Variants in DIXDC1 observed in about 807,000 individuals in gnomAD.
DIXDC1 encodes dixin.
DIXDC1 carries 64 observed loss-of-function variants against 103.1 expected under a neutral mutation model. The observed-to-expected ratio is 0.62, with a 90% CI of 0.51 to 0.76. The LOEUF (loss-of-function observed/expected upper bound fraction) is 0.76, where lower values mean the gene tolerates loss of function less well. Among genes scored for constraint, DIXDC1 ranks in the 30% least tolerant of loss-of-function variants. The pLI is 0.00. For synonymous variants in DIXDC1, 266 were observed against 298.5 expected (o/e 0.89, Z 1.12); for missense variants, 759 against 834.2 (o/e 0.91, Z 1.11).
intron 10 of DIXDC1, among the ~76,000 whole-genome samples, chr11:111,991,446 A>G (rs1860710834): frequency 1.3e-5 from 2 of 152,200 alleles, no homozygotes; most frequent in Admixed American, 6.5e-5. Flanking sequence ...GACTTCCTTT[A>G]CCATGTACTG....
chr11:111,993,981 A>C (rs2137583231), intron 14 of DIXDC1, among the ~76,000 whole-genome samples: 1 of 152,338 alleles, frequency 6.6e-6, no homozygotes, highest in Admixed American at 6.5e-5. Flanking sequence ...TTATTTGGAA[A>C]ATGGAAATAA....
chr11:111,953,457 T>A (rs1161657437), intron 1 of DIXDC1, among the ~76,000 whole-genome samples: 1 of 152,058 alleles, frequency 6.6e-6, no homozygotes, highest in Non-Finnish European at 1.5e-5. Context: ...GCCAACATGG[T>A]GAAACCCCGT....
Position 111,996,154 on chromosome 11 carries a change from C to T in DIXDC1, c.1756+8C>T, listed in dbSNP as rs782582584. 6 of 1,612,534 alleles carry T rather than the reference C, an allele frequency of 3.7e-6. No individual in the cohort carries two copies. The highest frequency in any genetic ancestry group is 2.2e-5 in the South Asian group (2 of 90,838). On this transcript the variant is annotated splice_region_variant and intron_variant, in intron 17 of 19. Coordinates refer to ENST00000440460, the MANE Select transcript of DIXDC1 (RefSeq NM_001037954.4). ...CCTGGCCCCCTAACTCAAGTAAGTA[C>T]CCATTTTTGCTCAGTAGGGACTCCT...
In DIXDC1 at chr11:112,020,641, A is replaced by G. The variant is rs148226700; in HGVS notation, c.*1605A>G. On this transcript the variant is annotated 3_prime_UTR_variant, in exon 20 of 20. Coordinates refer to ENST00000440460, the MANE Select transcript of DIXDC1 (RefSeq NM_001037954.4). ...TCTTACCACCCCTTGTGGTTTCAGA[A>G]CAAGCTTTATTTTATTACGAGTATA... 9 of 152,288 alleles carry G rather than the reference A, an allele frequency of 5.9e-5. No individual in the cohort carries two copies. Among genetic ancestry groups the G allele is most frequent in the Non-Finnish European group, 4.4e-5 (3 of 68,020 alleles). The allele number at this position is 152,288 out of a possible 1,614,324, so 9.4% of individuals were successfully genotyped here. A position where few individuals can be genotyped will look rare whatever the true frequency, so the allele number is the denominator to read the frequency against.
At chr11:111,993,792 A>T in intron 14 of DIXDC1, 52 bp downstream of exon 14, 2 of 1,591,438 alleles carry the variant, frequency 1.3e-6, no homozygotes, top group Non-Finnish European at 8.6e-7. Flanking sequence ...AAACGGGGAG[A>T]TTGTGTTTCT....
intron 10 of DIXDC1, among the ~76,000 whole-genome samples, chr11:111,991,587 T>C (rs1216172165): frequency 3.3e-5 from 5 of 152,212 alleles, no homozygotes; most frequent in African/African-American, 1.2e-4. Context: ...TTAGTTCCAT[T>C]TGAAGTCACC....
rs587654630 is a variant in DIXDC1, at chr11:111,980,113, A to G, written c.657-624A>G. Among the ~76,000 whole-genome samples the G allele has an allele frequency of 9.2e-5, 14 of 152,300 alleles. No individual in the cohort carries two copies. The South Asian group carries it at 2.9e-3, about 32-fold the overall frequency. On this transcript the variant is annotated intron_variant, in intron 5 of 19. Coordinates refer to ENST00000440460, the MANE Select transcript of DIXDC1 (RefSeq NM_001037954.4). Reference sequence around the variant, plus strand: ...CAGGTCTTTCCCCTTTTGACATATTATCTTCCCCTTGTCATGCTCTAGCTC... The same window carrying G: ...CAGGTCTTTCCCCTTTTGACATATTGTCTTCCCCTTGTCATGCTCTAGCTC...
chr11:111,939,131 T>TAAC (rs1465315554), intron 1 of DIXDC1, among the ~76,000 whole-genome samples: 1 of 152,224 alleles, frequency 6.6e-6, no homozygotes, highest in Non-Finnish European at 1.5e-5. Flanking sequence ...TGCCCCAACT[T>TAAC]AACAACAACA....
intron 8 of DIXDC1, 58 bp downstream of exon 8, chr11:111,985,379 G>A: frequency 7.2e-7 from 1 of 1,380,380 alleles, no homozygotes; most frequent in Non-Finnish European, 1.0e-6. Flanking sequence ...CTTGTATTTA[G>A]CATTTGACAC....
Position 111,977,695 on chromosome 11 carries a change from T to TGGGA in DIXDC1, c.656+2714_656+2717dup, listed in dbSNP as rs1860159138. On this transcript the variant is annotated intron_variant, in intron 5 of 19. Coordinates refer to ENST00000440460, the MANE Select transcript of DIXDC1 (RefSeq NM_001037954.4). The surrounding 1 kb of genome is among the most constrained non-coding windows in gnomAD (Gnocchi z 6.1). ...CAGCGCGGGGAGACATGCCTGAATT[T>TGGGA]GGGAGCGATGTGACTCTCAGCCTCC... 6.5e-7 allele frequency: 1 copy of TGGGA among 1,545,124 alleles called. No homozygotes were observed. The highest frequency in any genetic ancestry group is 1.4e-5 in the African/African-American group (1 of 72,136).
Position 111,977,436 on chromosome 11 carries a change from C to T in DIXDC1, c.656+2453C>T. 1 of 1,217,938 alleles carries T rather than the reference C, an allele frequency of 8.2e-7. No homozygotes were observed. Among genetic ancestry groups the T allele is most frequent in the East Asian group, 5.1e-5 (1 of 19,514 alleles). The allele number at this position is 1,217,938 out of a possible 1,614,324, so 75.4% of individuals were successfully genotyped here. The stretch of plus-strand genomic sequence containing the variant: ...GCCAGGGGGGATGCCCGGCACCGTG[C>T]GTCCGCGGAGGCCAAGATGCAGCGG... On this transcript the variant is annotated intron_variant, in intron 5 of 19. Transcript: ENST00000440460. This position sits in a 1 kb window ranked among gnomAD's most constrained non-coding sequence, Gnocchi z 6.1.
In DIXDC1 at chr11:112,016,748, A is replaced by G. The variant is rs782492199; in HGVS notation, c.1814A>G (p.Tyr605Cys). 4.3e-6 allele frequency: 7 copies of G among 1,609,754 alleles called. No individual in the cohort carries two copies. The East Asian group carries it at 1.3e-4, about 31-fold the overall frequency. ...TVSSTCTKVLYFTDRSLTPFM... is the reference protein window; with the variant it reads ...TVSSTCTKVLCFTDRSLTPFM... ...AGCAGCACCTGTACTAAAGTGCTCT[A>G]TTTCACTGACCGGTCACTTACGCCC... Residue 605 changes from tyrosine (Y) to cysteine (C), a missense_variant, in exon 18 of 20, where the codon TAT becomes TGT. Physicochemically the swap from Tyr to Cys is radical, Grantham distance 194. This residue lies in a region of DIXDC1 where 657 missense variants were observed against 727.5 expected (regional missense o/e 0.90). Transcript: ENST00000440460.
At chr11:111,936,672 C>G (rs1966195381), upstream of DIXDC1, among the ~76,000 whole-genome samples, 1 of 152,084 alleles carries the variant, frequency 6.6e-6, no homozygotes, top group African/African-American at 2.4e-5. Context: ...TCTTCCTCTG[C>G]TCTTTCTCTT....
chr11:111,962,343 G>T (rs189301199), intron 1 of DIXDC1, among the ~76,000 whole-genome samples: 1 of 152,066 alleles, frequency 6.6e-6, no homozygotes, highest in South Asian at 2.1e-4. Context: ...TTAGCCCGGC[G>T]TGGTGGCAGG....
In DIXDC1 at chr11:112,017,851, C is replaced by T. The variant is rs1393218432; in HGVS notation, c.1937C>T (p.Ala646Val). 3 of 1,611,102 alleles carry T rather than the reference C, an allele frequency of 1.9e-6. No homozygotes were observed. Among genetic ancestry groups the T allele is most frequent in the Admixed American group, 1.7e-5 (1 of 59,714 alleles). ...GGAAATCACCGGTATCACTTCAAAG[C>T]ACTGGATCCTGAGTTTGGCACTGTC... ...REGNHRYHFK[A>V]LDPEFGTVKE... Residue 646 changes from alanine (A) to valine (V), a missense_variant, in exon 19 of 20, where the codon GCA becomes GTA. Physicochemically the swap from Ala to Val is moderately conservative, Grantham distance 64. Coordinates refer to ENST00000440460, the MANE Select transcript of DIXDC1 (RefSeq NM_001037954.4). The surrounding 1 kb of genome is among the most constrained non-coding windows in gnomAD (Gnocchi z 4.0).
chr11:112,015,018 G>A (rs1258809529), intron 17 of DIXDC1, among the ~76,000 whole-genome samples: 3 of 152,008 alleles, frequency 2.0e-5, no homozygotes, highest in African/African-American at 4.8e-5. Context: ...CCAGGTAGCT[G>A]GGACTACAGG....
intron 1 of DIXDC1, among the ~76,000 whole-genome samples, chr11:111,959,881 G>A (rs1555170912): frequency 1.3e-5 from 2 of 151,970 alleles, no homozygotes; most frequent in Non-Finnish European, 2.9e-5. Flanking sequence ...AAAGAAGGAA[G>A]GAAAGAGGAG....
chr11:111,994,251 G>C (rs139948328), intron 14 of DIXDC1, among the ~76,000 whole-genome samples: 55 of 152,256 alleles, frequency 3.6e-4, no homozygotes, highest in African/African-American at 1.3e-3. Context: ...AGCCAGGCGT[G>C]GTGGTGGATG....
At chr11:111,945,934 A>ATTTTTTT in intron 1 of DIXDC1, 1 of 119,810 alleles carries the variant, frequency 8.3e-6, no homozygotes, top group Non-Finnish European at 1.6e-5. Flanking sequence ...AGCCCGGTTA[A>ATTTTTTT]TTTTTTTTTT....
Sources: gnomAD v4.1 joint callset for allele counts (sites outside exome capture counted in the v4.1 genomes callset) on GRCh38, gnomAD v4.1.1 for gene constraint, gnomAD v4.1.1 regional missense constraint, Gnocchi (gnomAD v3.1) non-coding constraint, MANE v1.5 for transcripts, NCBI Gene and HGNC (gene_info 2026-07-23, HGNC 2026-07-21) for gene names.